KLHL13: variants seen among roughly 807,000 people sequenced by gnomAD.
KLHL13 encodes kelch-like protein 13.
Under a neutral mutation model 37.1 loss-of-function variants are expected in KLHL13, and 10 were observed. The ratio of observed to expected loss-of-function variants is 0.27; its 90% CI spans 0.17 to 0.46. The LOEUF (loss-of-function observed/expected upper bound fraction) is 0.46. KLHL13 is among the 20% of genes least tolerant of loss of function. The probability of loss-of-function intolerance (pLI) is 1.00; values close to 1 mark genes in which losing one functional copy is unlikely to be tolerated. For missense variants in KLHL13, 360 were observed against 509.3 expected, an observed-to-expected ratio of 0.71 and a Z score of 2.82; for synonymous variants, 163 against 181.2, an observed-to-expected ratio of 0.90 and a Z score of 0.81.
chrX:117,947,874 C>A (rs1196537783), intron 1 of KLHL13: 1 of 111,938 alleles, frequency 8.9e-6, no homozygotes, highest in African/African-American at 3.2e-5. Flanking sequence ...GGTAACACTT[C>A]TCTGCAAACC....
chrX:117,953,132 A>G (rs1176081469), intron 1 of KLHL13, among the ~76,000 whole-genome samples: 1 of 110,458 alleles, frequency 9.1e-6, no homozygotes, highest in South Asian at 3.9e-4. Context: ...ACTATTCACA[A>G]TAGCAAAGAC....
rs1030436041 is a variant in KLHL13, at chrX:117,986,556, T to C, written c.-55-40981A>G. ...AGCCTAGCACTAAGAACTCAGTACA[T>C]ACCGGCCAACCTACTCTTCCAGTTT... is the stretch of plus-strand genomic sequence containing the variant. On this transcript the variant is annotated intron_variant, in intron 1 of 6. Transcript: ENST00000371882. Among the ~76,000 whole-genome samples the C allele has an allele frequency of 2.7e-5, 3 of 111,729 alleles. No homozygotes were observed. In the South Asian group the frequency reaches 1.1e-3, roughly 42 times the overall value.
rs759447859 is a variant in KLHL13, at chrX:118,015,294, A to G, written c.-55-69719T>C. The stretch of plus-strand genomic sequence containing the variant: ...AGTGAAAATACATCGAGGTGTTAAC[A>G]GAGGCTATCTTATGTGATTATTTAC... On this transcript the variant is annotated intron_variant, in intron 1 of 6. Transcript: ENST00000371882. 6.3e-5 allele frequency among the ~76,000 whole-genome samples: 7 copies of G among 111,955 alleles called. No homozygotes were observed. In the East Asian group the frequency reaches 1.7e-3, roughly 27 times the overall value.
intron 1 of KLHL13, chrX:117,985,481 C>G (rs1365892172): frequency 2.4e-6 from 1 of 424,433 alleles, no homozygotes; most frequent in Non-Finnish European, 2.9e-6. Flanking sequence ...TACTGCATAC[C>G]TTCCCTTGAT....
At chrX:118,031,688 G>A (rs2148033640) in intron 1 of KLHL13, among the ~76,000 whole-genome samples, 1 of 99,427 alleles carries the variant, frequency 1.0e-5, no homozygotes, top group South Asian at 4.5e-4. Flanking sequence ...AAAATTTTTA[G>A]CCAGATCATA....
chrX:117,980,575 T>C (rs764582863), intron 1 of KLHL13, among the ~76,000 whole-genome samples: 337 of 111,766 alleles, frequency 3.0e-3, no homozygotes, highest in African/African-American at 0.01. Context: ...AAAATACTTA[T>C]AGAGTAATCA....
intron 1 of KLHL13, among the ~76,000 whole-genome samples, chrX:118,114,863 G>A (rs1190960644): frequency 8.9e-6 from 1 of 112,218 alleles, no homozygotes; most frequent in Non-Finnish European, 1.9e-5. Context: ...AAAACCTTGG[G>A]CTTTTTAATA....
At chrX:117,985,550 G>C (rs2053714944) in intron 1 of KLHL13, 1 of 150,935 alleles carries the variant, frequency 6.6e-6, no homozygotes, top group Non-Finnish European at 1.1e-5. Context: ...CTGCTGGCCA[G>C]ATATGAAAAT....
intron 3 of KLHL13, 94 bp from the exon 5 acceptor site, chrX:117,919,811 T>A: frequency 1.6e-6 from 1 of 632,088 alleles, no homozygotes; most frequent in Non-Finnish European, 2.5e-6. Flanking sequence ...CAAAGGAAAG[T>A]CTTATCTTAT....
intron 1 of KLHL13, among the ~76,000 whole-genome samples, chrX:118,081,940 T>TTGTG (rs762989393): frequency 0.036 from 3,528 of 97,649 alleles, 62 homozygotes; most frequent in African/African-American, 0.04. Flanking sequence ...TAGTATTCCA[T>TTGTG]TGTGTGTGTG....
chrX:117,925,002 G>T (rs1399016915), intron 2 of KLHL13, among the ~76,000 whole-genome samples: 2 of 111,055 alleles, frequency 1.8e-5, no homozygotes, highest in Non-Finnish European at 3.8e-5. Flanking sequence ...CTATTAAATA[G>T]AGAGAGGTAC....
chrX:117,940,410 G>C (rs1194122814), intron 2 of KLHL13, among the ~76,000 whole-genome samples: 1 of 111,834 alleles, frequency 8.9e-6, no homozygotes, highest in African/African-American at 3.2e-5. Flanking sequence ...GCTTAGGATT[G>C]TCTTGGCTAC....
At chrX:118,039,456 T>C (rs1366921617) in intron 1 of KLHL13, among the ~76,000 whole-genome samples, 1 of 111,592 alleles carries the variant, frequency 9.0e-6, no homozygotes, top group Admixed American at 9.5e-5. Flanking sequence ...ATAGTACTCA[T>C]TACAGCCCTG....
At chrX:117,984,188 T>C (rs1483317103) in intron 1 of KLHL13, among the ~76,000 whole-genome samples, 2 of 111,813 alleles carry the variant, frequency 1.8e-5, no homozygotes, top group Admixed American at 1.9e-4. Flanking sequence ...AAAAGCAACA[T>C]TGGATAGACA....
chrX:117,899,431 T>C (rs1929948543), intron 6 of KLHL13, 36 bp from the exon 8 acceptor site: 1 of 1,116,272 alleles, frequency 9.0e-7, no homozygotes, highest in Non-Finnish European at 1.2e-6. Flanking sequence ...AAGTAAATAA[T>C]TATAGAAATG....
chrX:117,920,455 T>C, intron 2 of KLHL13, 85 bp from the exon 4 acceptor site: 3 of 961,127 alleles, frequency 3.1e-6, no homozygotes, highest in South Asian at 2.2e-5. Context: ...TGAATATTAA[T>C]GTGGTGCAAC....
intron 1 of KLHL13, among the ~76,000 whole-genome samples, chrX:118,042,882 T>C (rs2054519639): frequency 1.1e-5 from 1 of 94,065 alleles, no homozygotes; most frequent in Admixed American, 1.1e-4. Context: ...AGAAAAGAAA[T>C]CATAAAGATC....
At chrX:117,999,990 A>T (rs975770396) in intron 1 of KLHL13, among the ~76,000 whole-genome samples, 25 of 111,981 alleles carry the variant, frequency 2.2e-4, no homozygotes, top group Non-Finnish European at 3.4e-4. Context: ...CTTTAAGATT[A>T]TTATTTTATA....
At chrX:117,907,236 A>G (rs981029659) in intron 5 of KLHL13, among the ~76,000 whole-genome samples, 2 of 111,304 alleles carry the variant, frequency 1.8e-5, no homozygotes, top group African/African-American at 6.5e-5. Context: ...AGCAGCTGAA[A>G]GAGAGTTGGG....
Sources: gnomAD v4.1 joint callset for allele counts (sites outside exome capture counted in the v4.1 genomes callset) on GRCh38, gnomAD v4.1.1 for gene constraint, MANE v1.5 for transcripts, NCBI Gene and HGNC (gene_info 2026-07-23, HGNC 2026-07-21) for gene names.